Variants in ATXN1 observed in about 807,000 individuals in gnomAD.
ATXN1 encodes the protein ataxin-1.
In ATXN1, 8 loss-of-function variants were observed where a neutral mutation model predicts 56.4. The ratio of observed to expected loss-of-function variants is 0.14; its 90% confidence interval spans 0.08 to 0.26. The LOEUF is 0.26. Among genes scored for constraint, ATXN1 ranks in the 10% least tolerant of loss-of-function variants. The pLI, the probability that ATXN1 is intolerant of heterozygous loss-of-function variation, is 1.00. For synonymous variants in ATXN1, 514 were observed against 494.6 expected, an observed-to-expected ratio of 1.04 and a Z score of -0.52; for missense variants, 987 against 1,106.5, an observed-to-expected ratio of 0.89 and a Z score of 1.53.
chr6:16,489,519 C>A (rs1760616373), intron 5 of ATXN1, among the ~76,000 whole-genome samples: 1 of 152,206 alleles, frequency 6.6e-6, no homozygotes, highest in Non-Finnish European at 1.5e-5. Context: ...TACAAACTCC[C>A]CCATTTCCTC....
At chr6:16,460,270 G>C (rs2113625131) in intron 6 of ATXN1, among the ~76,000 whole-genome samples, 1 of 152,316 alleles carries the variant, frequency 6.6e-6, no homozygotes, top group Non-Finnish European at 1.5e-5. Context: ...ACCTCACAGA[G>C]AGAGCGGGAA....
intron 2 of ATXN1, among the ~76,000 whole-genome samples, chr6:16,742,305 C>A (rs892766134): frequency 2.0e-5 from 3 of 152,188 alleles, no homozygotes; most frequent in African/African-American, 7.2e-5. Context: ...ATAAAAGCCA[C>A]AACTTGGGGT....
chr6:16,743,177 T>C (rs1187361347), intron 2 of ATXN1, among the ~76,000 whole-genome samples: 2 of 152,368 alleles, frequency 1.3e-5, no homozygotes, highest in African/African-American at 2.4e-5. Context: ...TTTTCCTGTA[T>C]TGAATTTCAA....
At position 16,306,495 on chromosome 6, in the gene ATXN1, A is replaced by G. The variant is rs1321409091; in HGVS notation, c.2282T>C (p.Ile761Thr). The G allele has an allele frequency of 6.2e-6, 10 of 1,613,864 alleles. No individual in the cohort carries two copies. In the African/African-American group the frequency reaches 9.4e-5, roughly 15 times the overall value. ...CGTTGCCGCGGGCTTGCTGGGTTCT[A>G]TTTTGGTGAGGAAGGGCGCTGCAGG... ...GLPAAPFLTKIEPSKPAATRK... is the reference protein window; with the variant it reads ...GLPAAPFLTKTEPSKPAATRK... Residue 761 changes from isoleucine to threonine, a missense_variant, in exon 8 of 8, where the codon ATA becomes ACA. Transcript: ENST00000436367. This position sits in a 1 kb window ranked among gnomAD's most constrained non-coding sequence, Gnocchi z 5.2.
chr6:16,557,683 G>T, intron 4 of ATXN1, among the ~76,000 whole-genome samples: 1 of 152,182 alleles, frequency 6.6e-6, no homozygotes, highest in East Asian at 1.9e-4. Context: ...ACAGAAAAGA[G>T]GTCGATCCAA....
intron 4 of ATXN1, among the ~76,000 whole-genome samples, chr6:16,535,196 A>C (rs1275081037): frequency 6.6e-6 from 1 of 152,184 alleles, no homozygotes; most frequent in Non-Finnish European, 1.5e-5. Context: ...CAAAAGGAAG[A>C]GGGGGAGCTA....
At chr6:16,563,053 C>G (rs1762151663) in intron 4 of ATXN1, among the ~76,000 whole-genome samples, 1 of 151,906 alleles carries the variant, frequency 6.6e-6, no homozygotes, top group African/African-American at 2.4e-5. Context: ...TGCGTGAGCA[C>G]AGCATGCAAC....
At chr6:16,679,372 G>GTGGATGGATGGA (rs10618388) in intron 2 of ATXN1, among the ~76,000 whole-genome samples, 9 of 144,142 alleles carry the variant, frequency 6.2e-5, no homozygotes, top group Admixed American at 2.1e-4. Context: ...AGGTGGGTGG[G>GTGGATGGATGGA]TGGATGGATG....
chr6:16,573,526 A>C (rs1009667441), intron 4 of ATXN1, among the ~76,000 whole-genome samples: 1 of 151,776 alleles, frequency 6.6e-6, no homozygotes. Context: ...CCCTACATAC[A>C]TTGTCACCGG....
chr6:16,642,110 G>A (rs1406935574), intron 3 of ATXN1, among the ~76,000 whole-genome samples: 2 of 152,170 alleles, frequency 1.3e-5, no homozygotes, highest in Non-Finnish European at 2.9e-5. Context: ...TTTCATGGCC[G>A]GGCACAGTGG....
intron 3 of ATXN1, among the ~76,000 whole-genome samples, chr6:16,651,654 G>A (rs150587535): frequency 1.3e-4 from 20 of 152,100 alleles, no homozygotes; most frequent in East Asian, 5.8e-4. Context: ...GCCCATAAAC[G>A]TAGGACAATG....
intron 6 of ATXN1, among the ~76,000 whole-genome samples, chr6:16,429,021 G>C (rs742567): frequency 0.14 from 21,693 of 151,312 alleles, 1,856 homozygotes; most frequent in East Asian, 0.4. Context: ...TGGGACATAG[G>C]CTGCCAGTGG....
chr6:16,749,615 C>G (rs973191342), intron 2 of ATXN1, among the ~76,000 whole-genome samples: 2 of 152,106 alleles, frequency 1.3e-5, no homozygotes, highest in South Asian at 2.1e-4. Context: ...CATACATCAC[C>G]CAACTCCTCC....
chr6:16,742,965 C>G (rs1760393492), intron 2 of ATXN1, among the ~76,000 whole-genome samples: 1 of 152,152 alleles, frequency 6.6e-6, no homozygotes, highest in South Asian at 2.1e-4. Flanking sequence ...AAACTTTCAC[C>G]TGAGTTGCAG....
chr6:16,361,175 G>A (rs1761801318), intron 6 of ATXN1, among the ~76,000 whole-genome samples: 1 of 152,138 alleles, frequency 6.6e-6, no homozygotes, highest in Admixed American at 6.6e-5. Flanking sequence ...CTGTGTTAGG[G>A]GTGTGGCTCT....
At chr6:16,707,869 G>GA (rs1232546651) in intron 2 of ATXN1, among the ~76,000 whole-genome samples, 2 of 151,542 alleles carry the variant, frequency 1.3e-5, no homozygotes, top group East Asian at 1.9e-4. Context: ...ATGTGTTCGG[G>GA]AAAAAAAATC....
intron 6 of ATXN1, among the ~76,000 whole-genome samples, chr6:16,421,774 A>C (rs1268935577): frequency 2.6e-5 from 4 of 152,098 alleles, no homozygotes; most frequent in African/African-American, 9.7e-5. Flanking sequence ...ATACAAGTAC[A>C]TGTGCAGGCG....
chr6:16,472,966 G>C (rs1760249165), intron 6 of ATXN1, among the ~76,000 whole-genome samples: 1 of 152,090 alleles, frequency 6.6e-6, no homozygotes, highest in South Asian at 2.1e-4. Flanking sequence ...TGGAAGATTA[G>C]GTCCTGGGTT....
intron 5 of ATXN1, among the ~76,000 whole-genome samples, chr6:16,491,277 A>ATTTTTT (rs57395401): frequency 1.5e-5 from 2 of 132,208 alleles, no homozygotes; most frequent in African/African-American, 2.9e-5. Flanking sequence ...TATTATTATT[A>ATTTTTT]TTTTTTTTTT....
Sources: allele counts gnomAD v4.1 joint callset (sites outside exome capture counted in the v4.1 genomes callset), GRCh38; gene constraint gnomAD v4.1.1; non-coding constraint Gnocchi (gnomAD v3.1); transcripts MANE v1.5; gene names NCBI Gene and HGNC (gene_info 2026-07-23, HGNC 2026-07-21).